Variants in SDK1 observed in about 807,000 individuals in gnomAD.
The protein encoded by SDK1 is sidekick cell adhesion molecule 1.
Under a neutral mutation model 245.5 loss-of-function variants are expected in SDK1, and 157 were observed. The observed-to-expected ratio is 0.64, with a 90% CI of 0.56 to 0.73. The LOEUF (loss-of-function observed/expected upper bound fraction) is 0.73, where lower values mean the gene tolerates loss of function less well. Ranked by LOEUF, SDK1 falls within the 30% of genes least tolerant of loss-of-function variation. The probability of loss-of-function intolerance (pLI) is 0.00; values close to 1 mark genes in which losing one functional copy is unlikely to be tolerated. For missense variants in SDK1, 3,583 were observed against 3,002.3 expected (o/e 1.19, Z -4.52); for synonymous variants, 1,647 against 1,278.5 (o/e 1.29, Z -6.15).
intron 1 of SDK1, among the ~76,000 whole-genome samples, chr7:3,387,476 T>G (rs1241382338): frequency 6.6e-6 from 1 of 152,212 alleles, no homozygotes; most frequent in Admixed American, 6.5e-5. Context: ...TAAAACTGTC[T>G]CCTGTTTATA....
At chr7:3,473,548 C>G (rs944898451) in intron 1 of SDK1, among the ~76,000 whole-genome samples, 1 of 152,154 alleles carries the variant, frequency 6.6e-6, no homozygotes. Flanking sequence ...AGGACTCTTG[C>G]AGTATGTGGG....
intron 1 of SDK1, among the ~76,000 whole-genome samples, chr7:3,467,977 G>GTT (rs11396567): frequency 1.4e-5 from 1 of 72,706 alleles, no homozygotes; most frequent in South Asian, 4.1e-4. Context: ...TTGTTGTCAT[G>GTT]TTTTTTTAAT....
At chr7:3,980,534 A>T (rs1057421370) in intron 13 of SDK1, among the ~76,000 whole-genome samples, 1 of 152,238 alleles carries the variant, frequency 6.6e-6, no homozygotes, top group Admixed American at 6.5e-5. Context: ...TATCCCCATT[A>T]GATAAGATTT....
intron 5 of SDK1, among the ~76,000 whole-genome samples, chr7:3,913,658 C>T (rs982990964): frequency 6.6e-6 from 1 of 152,126 alleles, no homozygotes; most frequent in Non-Finnish European, 1.5e-5. Context: ...GCTCTGGTAA[C>T]ATCCTTTCCC....
rs191152981 is a variant in SDK1 at position 4,205,831 on chromosome 7, G to A, written c.5099-48G>A. On this transcript the variant is annotated intron_variant, in intron 35 of 44. Transcript: ENST00000404826. ...GGGCATGTGGGCGAGGGTCCGGGCC[G>A]GCTCTGAATGAACGTCTCAGCTTCT... 50 of 1,456,310 alleles carry A rather than the reference G, an allele frequency of 3.4e-5. 1 individual carries two copies. The Admixed American group carries it at 3.9e-4, about 11-fold the overall frequency. 90.2% of individuals were successfully genotyped at this position (1,456,310 alleles called of 1,614,324 possible).
At chr7:3,558,096 G>A (rs931945626) in intron 1 of SDK1, among the ~76,000 whole-genome samples, 3 of 151,204 alleles carry the variant, frequency 2.0e-5, no homozygotes, top group Non-Finnish European at 2.9e-5. Context: ...CGTGGCATGC[G>A]TAAAGCCAGC....
chr7:3,639,122 G>A lies in SDK1; in HGVS notation c.565+12G>A. On this transcript the variant is annotated intron_variant, in intron 3 of 44. Transcript: ENST00000404826. ...AGTTCAAGTCGCATGTATGTGTACA[G>A]TAAGGAGATGTCCAAATGTTAAAGA... 1 of 1,456,232 alleles carries A rather than the reference G, an allele frequency of 6.9e-7. No homozygotes were observed. The highest frequency in any genetic ancestry group is 2.3e-5 in the East Asian group (1 of 43,014). The allele number at this position is 1,456,232 out of a possible 1,614,324, so 90.2% of individuals were successfully genotyped here.
chr7:3,483,064 C>A (rs1020305877), intron 1 of SDK1, among the ~76,000 whole-genome samples: 6 of 152,106 alleles, frequency 3.9e-5, no homozygotes, highest in African/African-American at 1.4e-4. Context: ...CAAATTTTTT[C>A]ATTGTTCTTT....
chr7:4,117,254 G>A (rs965327875), intron 25 of SDK1, among the ~76,000 whole-genome samples: 1 of 152,158 alleles, frequency 6.6e-6, no homozygotes, highest in Non-Finnish European at 1.5e-5. Context: ...GATAGCTTGA[G>A]TCCAGGAGTT....
rs181160737 is a variant in SDK1 at position 3,732,043 on chromosome 7, G to A, written c.714-89407G>A. On this transcript the variant is annotated intron_variant, in intron 4 of 44. Coordinates refer to ENST00000404826, the MANE Select transcript of SDK1 (RefSeq NM_152744.4). Reference sequence around the variant, plus strand: ...CTGACCTCGTGATCCACCCGCCTCAGCCTCCCAGAGTGCTGGGATTACAGG... The same window carrying A: ...CTGACCTCGTGATCCACCCGCCTCAACCTCCCAGAGTGCTGGGATTACAGG... Among the ~76,000 whole-genome samples the A allele has an allele frequency of 1.6e-4, 24 of 152,346 alleles. No homozygotes were observed. The East Asian group carries it at 4.4e-3, about 28-fold the overall frequency.
At chr7:3,473,801 A>G (rs1781256123) in intron 1 of SDK1, among the ~76,000 whole-genome samples, 1 of 152,166 alleles carries the variant, frequency 6.6e-6, no homozygotes, top group African/African-American at 2.4e-5. Context: ...AGTGTGATGA[A>G]CATGAGCTGA....
chr7:3,335,737 A>G (rs77475581), intron 1 of SDK1, among the ~76,000 whole-genome samples: 1,569 of 151,732 alleles, frequency 0.01, 18 homozygotes, highest in Non-Finnish European at 0.018. Context: ...ATAGTAATCC[A>G]ACCAGACCAG....
At chr7:3,713,952 AAG>A (rs1311451828) in intron 4 of SDK1, among the ~76,000 whole-genome samples, 1 of 152,202 alleles carries the variant, frequency 6.6e-6, no homozygotes, top group Middle Eastern at 3.2e-3. Context: ...CTTTATTTAA[AAG>A]AGAGAGCACC....
At chr7:4,158,379 C>G in intron 30 of SDK1, 69 bp from the exon 31 acceptor site, 1 of 1,309,510 alleles carries the variant, frequency 7.6e-7, no homozygotes, top group Non-Finnish European at 1.1e-6. Context: ...CCCAGGGCTT[C>G]ACCAGGAATG....
At chr7:3,522,378 G>A (rs748745109) in intron 1 of SDK1, among the ~76,000 whole-genome samples, 2 of 152,184 alleles carry the variant, frequency 1.3e-5, no homozygotes, top group Non-Finnish European at 2.9e-5. Context: ...TGAAATTCCA[G>A]TCTTTAATTC....
chr7:4,194,674 T>C (rs1783478394), intron 35 of SDK1, among the ~76,000 whole-genome samples: 1 of 152,114 alleles, frequency 6.6e-6, no homozygotes, highest in South Asian at 2.1e-4. Context: ...TAGGCCAGTC[T>C]CACTCATTTC....
intron 1 of SDK1, among the ~76,000 whole-genome samples, chr7:3,479,925 C>A (rs1781460158): frequency 6.6e-6 from 1 of 150,780 alleles, no homozygotes; most frequent in African/African-American, 2.4e-5. Context: ...CTAGTTCTTT[C>A]AATTTTTTCT....
At chr7:4,257,313 TC>T (rs1787696143) in intron 44 of SDK1, among the ~76,000 whole-genome samples, 1 of 152,212 alleles carries the variant, frequency 6.6e-6, no homozygotes, top group Non-Finnish European at 1.5e-5. Flanking sequence ...TGATACTGCA[TC>T]CAATCACTTT....
intron 1 of SDK1, among the ~76,000 whole-genome samples, chr7:3,614,804 C>G (rs757663814): frequency 1.5e-4 from 23 of 152,076 alleles, no homozygotes; most frequent in Non-Finnish European, 3.2e-4. Context: ...CATATTTTCC[C>G]TTCCCTTCTC....
Sources: allele counts gnomAD v4.1 joint callset (sites outside exome capture counted in the v4.1 genomes callset), GRCh38; gene constraint gnomAD v4.1.1; transcripts MANE v1.5; gene names NCBI Gene and HGNC (gene_info 2026-07-23, HGNC 2026-07-21).